Variants in UGT1A7 observed in about 807,000 individuals in gnomAD.
UGT1A7 encodes UDP glucuronosyltransferase family 1 member A7.
A neutral mutation model predicts 45.6 loss-of-function variants in UGT1A7; 33 were observed. The ratio of observed to expected loss-of-function variants is 0.72; its 90% CI spans 0.55 to 0.97. The LOEUF (loss-of-function observed/expected upper bound fraction) is 0.97, where lower values mean the gene tolerates loss of function less well. Among genes scored for constraint, UGT1A7 ranks in the 50% least tolerant of loss-of-function variants. UGT1A7 has a pLI of 0.00. For synonymous variants in UGT1A7, 274 were observed against 250.6 expected (o/e 1.09, Z -0.88); for missense variants, 684 against 666.2 (o/e 1.03, Z -0.29).
At chr2:233,730,293 G>T (rs1228640650) in intron 1 of UGT1A7, among the ~76,000 whole-genome samples, 1 of 152,186 alleles carries the variant, frequency 6.6e-6, no homozygotes, top group East Asian at 1.9e-4. Context: ...TCATGGTTGT[G>T]CATGTCCTTC....
At chr2:233,721,840 G>A in intron 1 of UGT1A7, 1 of 515,588 alleles carries the variant, frequency 1.9e-6, no homozygotes, top group Non-Finnish European at 3.9e-6. Flanking sequence ...CCGACCTTGT[G>A]TCCAGCCCCA....
chr2:233,706,043 C>T (rs1342276693), intron 1 of UGT1A7, among the ~76,000 whole-genome samples: 1 of 152,002 alleles, frequency 6.6e-6, no homozygotes, highest in East Asian at 1.9e-4. Flanking sequence ...TGCAGTGAGC[C>T]GAGATCACGC....
intron 1 of UGT1A7, chr2:233,729,346 T>G (rs1339922469): frequency 1.2e-6 from 2 of 1,614,150 alleles, no homozygotes; most frequent in South Asian, 1.1e-5. Flanking sequence ...AGAAGAGAAC[T>G]TTTTCACCCT....
At chr2:233,751,081 C>A (rs1306990263) in intron 1 of UGT1A7, among the ~76,000 whole-genome samples, 1 of 151,926 alleles carries the variant, frequency 6.6e-6, no homozygotes, top group African/African-American at 2.4e-5. Context: ...CCTCTGAAGG[C>A]AGCCAGGAGG....
At chr2:233,699,964 G>C (rs985933821) in intron 1 of UGT1A7, among the ~76,000 whole-genome samples, 1 of 152,126 alleles carries the variant, frequency 6.6e-6, no homozygotes, top group Non-Finnish European at 1.5e-5. Flanking sequence ...AAAAATACCC[G>C]TCCCCCAACT....
chr2:233,751,126 G>C (rs1694648439), intron 1 of UGT1A7, among the ~76,000 whole-genome samples: 1 of 151,986 alleles, frequency 6.6e-6, no homozygotes, highest in East Asian at 1.9e-4. Flanking sequence ...TGTCCAAGTT[G>C]CCTGAGACTG....
At chr2:233,756,500 A>G (rs976556517) in intron 1 of UGT1A7, 2 of 152,096 alleles carry the variant, frequency 1.3e-5, no homozygotes, top group East Asian at 1.9e-4. Context: ...GCCCAAGTAT[A>G]TGGAGGGTCA....
chr2:233,700,683 T>C (rs940558980), intron 1 of UGT1A7, among the ~76,000 whole-genome samples: 1 of 152,164 alleles, frequency 6.6e-6, no homozygotes, highest in Non-Finnish European at 1.5e-5. Flanking sequence ...TTCGTGATAA[T>C]ATATAAACTA....
intron 1 of UGT1A7, chr2:233,691,301 C>G: frequency 1.0e-6 from 1 of 985,520 alleles, no homozygotes. Context: ...GCTGCCAATC[C>G]TCTTGGGAGG....
chr2:233,742,782 C>G lies in UGT1A7; in HGVS notation c.856-24252C>G, dbSNP rs76952857. ...ATAATAAATGCATGTTGTTTTGAACCATCATTAAATTAAGCCAGAAGTATT... is the reference window on the plus strand; with the variant it reads ...ATAATAAATGCATGTTGTTTTGAACGATCATTAAATTAAGCCAGAAGTATT... On this transcript the variant is annotated intron_variant, in intron 1 of 4. Coordinates refer to ENST00000373426, the MANE Select transcript of UGT1A7 (RefSeq NM_019077.3). 2.0e-5 allele frequency: 3 copies of G among 152,908 alleles called. No individual in the cohort carries two copies. In the East Asian group the frequency reaches 5.8e-4, roughly 29 times the overall value. 9.5% of individuals were successfully genotyped at this position (152,908 alleles called of 1,614,324 possible). A position where few individuals can be genotyped will look rare whatever the true frequency, so the allele number is the denominator to read the frequency against.
chr2:233,714,706 G>A (rs974627054), intron 1 of UGT1A7, among the ~76,000 whole-genome samples: 3 of 152,098 alleles, frequency 2.0e-5, no homozygotes, highest in Non-Finnish European at 2.9e-5. Context: ...ACTGTTTAAC[G>A]TAGCTTTTTT....
At chr2:233,713,240 A>G (rs1016025091) in intron 1 of UGT1A7, 10 of 1,614,146 alleles carry the variant, frequency 6.2e-6, no homozygotes, top group African/African-American at 2.7e-5. Context: ...ATGCCATTTC[A>G]TGGACCCAGG....
At chr2:233,705,564 C>A (rs529349858) in intron 1 of UGT1A7, among the ~76,000 whole-genome samples, 233 of 152,138 alleles carry the variant, frequency 1.5e-3, no homozygotes, top group Non-Finnish European at 2.7e-3. Context: ...TTGCTTGTGG[C>A]AAGGGATAGA....
At chr2:233,739,473 G>A (rs1691116225) in intron 1 of UGT1A7, among the ~76,000 whole-genome samples, 1 of 152,214 alleles carries the variant, frequency 6.6e-6, no homozygotes, top group African/African-American at 2.4e-5. Flanking sequence ...CTGAGACCGT[G>A]GGAGCCCATT....
At chr2:233,704,255 G>A (rs1278794786) in intron 1 of UGT1A7, among the ~76,000 whole-genome samples, 1 of 76,424 alleles carries the variant, frequency 1.3e-5, no homozygotes, top group African/African-American at 8.7e-5. Flanking sequence ...TGCCTTTATT[G>A]CTTTTTTTTT....
intron 1 of UGT1A7, among the ~76,000 whole-genome samples, chr2:233,741,294 T>C (rs954332893): frequency 1.3e-5 from 2 of 151,798 alleles, no homozygotes; most frequent in African/African-American, 4.9e-5. Context: ...ATGTACCCAA[T>C]TGTGTAGATA....
At chr2:233,690,816 C>CA in intron 1 of UGT1A7, 1 of 1,075,614 alleles carries the variant, frequency 9.3e-7, no homozygotes, top group Non-Finnish European at 1.1e-6. Context: ...TTAGTACAGT[C>CA]AAAGCTCACA....
chr2:233,732,771 T>G (rs74968543), intron 1 of UGT1A7, among the ~76,000 whole-genome samples: 78 of 146,658 alleles, frequency 5.3e-4, no homozygotes, highest in Admixed American at 6.8e-5. Flanking sequence ...TTTTTTTTTT[T>G]GCTTAGGATT....
chr2:233,752,699 G>C (rs1695036146), intron 1 of UGT1A7, among the ~76,000 whole-genome samples: 3 of 152,058 alleles, frequency 2.0e-5, no homozygotes, highest in Non-Finnish European at 4.4e-5. Flanking sequence ...TTACTAGTGG[G>C]GTATGATCTT....
Sources: gnomAD v4.1 joint callset for allele counts (sites outside exome capture counted in the v4.1 genomes callset) on GRCh38, gnomAD v4.1.1 for gene constraint, MANE v1.5 for transcripts, NCBI Gene and HGNC (gene_info 2026-07-23, HGNC 2026-07-21) for gene names.